Variants in ADGRG1 observed in about 807,000 individuals in gnomAD.
ADGRG1 encodes 7-transmembrane protein with no EGF-like N-terminal domains-1.
Under a neutral mutation model 73.5 loss-of-function variants are expected in ADGRG1, and 53 were observed. That is an observed-to-expected ratio of 0.72 (90% confidence interval 0.58 to 0.91). ADGRG1 has a LOEUF of 0.91. Ranked by LOEUF, ADGRG1 falls within the 40% of genes least tolerant of loss-of-function variation. ADGRG1 has a pLI of 0.00. For synonymous variants in ADGRG1, 394 were observed against 374.4 expected (o/e 1.05, Z -0.60); for missense variants, 795 against 871.8 (o/e 0.91, Z 1.11).
chr16:57,650,566 C>T (rs965523450), intron 2 of ADGRG1: 1 of 247,494 alleles, frequency 4.0e-6, no homozygotes, highest in African/African-American at 2.3e-5. Context: ...GGGGTACTGG[C>T]CCCACTCACC....
chr16:57,631,555 C>T, intron 1 of ADGRG1: 1 of 985,648 alleles, frequency 1.0e-6, no homozygotes, highest in Non-Finnish European at 1.2e-6. Context: ...TTGATCAGGG[C>T]TCAGCCCCCG....
intron 1 of ADGRG1, chr16:57,646,581 G>C (rs2042705934): frequency 2.0e-6 from 2 of 985,316 alleles, no homozygotes; most frequent in African/African-American, 3.5e-5. Context: ...TCTATCCCAG[G>C]CTGGATTCTC....
intron 13 of ADGRG1, among the ~76,000 whole-genome samples, chr16:57,662,291 C>T (rs534709370): frequency 9.2e-5 from 14 of 152,314 alleles, no homozygotes; most frequent in African/African-American, 2.4e-4. Flanking sequence ...GGGACATCGT[C>T]GTGAGCACGT....
At chr16:57,650,202 C>A in intron 1 of ADGRG1, 51 bp from the exon 2 acceptor site, 1 of 1,563,470 alleles carries the variant, frequency 6.4e-7, no homozygotes, top group Non-Finnish European at 8.8e-7. Flanking sequence ...CAGGGCCAGC[C>A]CAACCACCAC....
upstream of ADGRG1, chr16:57,627,939 C>T (rs1053218192): frequency 2.0e-6 from 2 of 976,290 alleles, no homozygotes; most frequent in Non-Finnish European, 2.4e-6. Context: ...CTCGGTTTCC[C>T]CTTTGGCTCA....
At chr16:57,655,601 C>T (rs1032495059) in intron 6 of ADGRG1, 71 bp downstream of exon 6, 8 of 1,607,806 alleles carry the variant, frequency 5.0e-6, no homozygotes, top group African/African-American at 2.7e-5. Flanking sequence ...AAAGAAGGCA[C>T]GCAGATGAGC....
Position 57,656,614 on chromosome 16 carries a change from G to A in ADGRG1, c.1164G>A (p.Leu388=), listed in dbSNP as rs563406101. 4 of 1,593,704 alleles carry A rather than the reference G, an allele frequency of 2.5e-6. No homozygotes were observed. Among genetic ancestry groups the A allele is most frequent in the African/African-American group, 1.3e-5 (1 of 74,650 alleles). The change falls in exon 9 of 14, where the codon CTG becomes CTA. Residue 388 remains leucine, a synonymous_variant. Coordinates refer to ENST00000562631, the MANE Select transcript of ADGRG1 (RefSeq NM_201525.4). ...ACCACTTGACCTACTTTGCAGTGCT[G>A]ATGGTGAGGGTCCCTGCTCCCACCT... ...FCNHLTYFAV[L]MVSSVEVDAV...
intron 1 of ADGRG1, among the ~76,000 whole-genome samples, chr16:57,644,863 T>C (rs1227634729): frequency 7.3e-6 from 1 of 137,586 alleles, no homozygotes; most frequent in Non-Finnish European, 1.5e-5. Flanking sequence ...CACACACCCA[T>C]GCACACACAC....
At chr16:57,645,015 C>A in intron 1 of ADGRG1, 5 of 936,222 alleles carry the variant, frequency 5.3e-6, no homozygotes, top group Non-Finnish European at 6.4e-6. Context: ...CATGCATGGG[C>A]GCACACACTC....
chr16:57,657,544 TC>T, intron 10 of ADGRG1, 53 bp downstream of exon 10: 2 of 1,314,334 alleles, frequency 1.5e-6, no homozygotes, highest in Non-Finnish European at 1.1e-6. Flanking sequence ...TGCACACACC[TC>T]CACCAGGGCG....
chr16:57,642,036 C>T, intron 1 of ADGRG1: 1 of 971,060 alleles, frequency 1.0e-6, no homozygotes, highest in South Asian at 4.8e-5. Context: ...TACAGGCAAG[C>T]ACTACTACCC....
chr16:57,665,453 C>T lies in ADGRG1; in HGVS notation c.*1871C>T, dbSNP rs944661558. ...AATTTTGGCGAATCCAAAACATTTT[C>T]TGGCCAAAGAGATTACAGTCAAAAG... On this transcript the variant is annotated 3_prime_UTR_variant, in exon 14 of 14. Coordinates refer to ENST00000562631, the MANE Select transcript of ADGRG1 (RefSeq NM_201525.4). 2.0e-4 allele frequency: 31 copies of T among 152,354 alleles called. No individual in the cohort carries two copies. The highest frequency in any genetic ancestry group is 5.9e-4 in the Admixed American group (9 of 15,312). 9.4% of individuals were successfully genotyped at this position (152,354 alleles called of 1,614,324 possible). A position where few individuals can be genotyped will look rare whatever the true frequency, so the allele number is the denominator to read the frequency against.
intron 1 of ADGRG1, among the ~76,000 whole-genome samples, chr16:57,649,715 G>A (rs1246284257): frequency 1.3e-5 from 2 of 152,016 alleles, no homozygotes; most frequent in Non-Finnish European, 2.9e-5. Flanking sequence ...CTTACACAAG[G>A]TCCTGCAGCG....
chr16:57,622,145 A>G (rs1197000600), intron 2 of ADGRG1: 2 of 151,992 alleles, frequency 1.3e-5, no homozygotes, highest in African/African-American at 4.8e-5. Context: ...AAAACAAAAC[A>G]AAAAACCAGA....
At chr16:57,643,702 G>A in intron 1 of ADGRG1, 1 of 985,256 alleles carries the variant, frequency 1.0e-6, no homozygotes, top group Non-Finnish European at 1.2e-6. Flanking sequence ...GAAAATTCCT[G>A]AAAACTGAAG....
intron 1 of ADGRG1, chr16:57,631,171 G>T: frequency 1.0e-6 from 1 of 986,348 alleles, no homozygotes. Context: ...GGGAGGTGGC[G>T]CCCAGTCGAG....
intron 1 of ADGRG1, chr16:57,631,714 G>T: frequency 1.0e-6 from 1 of 984,376 alleles, no homozygotes; most frequent in Non-Finnish European, 1.2e-6. Context: ...GCACAAAGGG[G>T]TCTCTCAAAC....
chr16:57,656,672 G>A (rs1597581034), intron 9 of ADGRG1, 55 bp downstream of exon 9: 3 of 1,048,610 alleles, frequency 2.9e-6, no homozygotes, highest in Non-Finnish European at 4.5e-6. Flanking sequence ...TGCTTGTTCT[G>A]TGCAAGCACT....
chr16:57,621,061 G>A (rs1358192244), intron 1 of ADGRG1: 1 of 152,262 alleles, frequency 6.6e-6, no homozygotes, highest in African/African-American at 2.4e-5. Context: ...GTCTGGAGTT[G>A]CGGGTGGGGT....
Sources: gnomAD v4.1 joint callset for allele counts (sites outside exome capture counted in the v4.1 genomes callset) on GRCh38, gnomAD v4.1.1 for gene constraint, MANE v1.5 for transcripts, NCBI Gene and HGNC (gene_info 2026-07-23, HGNC 2026-07-21) for gene names.